HDAC9: variants seen among roughly 807,000 people sequenced by gnomAD.
HDAC9 encodes histone deacetylase 9, also known as MEF-2 interacting transcription repressor (MITR) protein.
Under a neutral mutation model 139.4 loss-of-function variants are expected in HDAC9, and 41 were observed. The ratio of observed to expected loss-of-function variants is 0.29; its 90% CI spans 0.23 to 0.38. The LOEUF is 0.38. Ranked by LOEUF, HDAC9 falls within the 10% of genes least tolerant of loss-of-function variation. The pLI is 1.00. For synonymous variants in HDAC9, 517 were observed against 476.2 expected (o/e 1.09, Z -1.12); for missense variants, 1,147 against 1,297.0 (o/e 0.88, Z 1.78).
chr7:18,717,812 C>T (rs1227746538), intron 12 of HDAC9, among the ~76,000 whole-genome samples: 1 of 151,942 alleles, frequency 6.6e-6, no homozygotes, highest in Non-Finnish European at 1.5e-5. Flanking sequence ...TATAATGTAT[C>T]ACTACATAAA....
chr7:18,723,726 A>T (rs1785312297), intron 12 of HDAC9, among the ~76,000 whole-genome samples: 2 of 152,070 alleles, frequency 1.3e-5, no homozygotes. Context: ...AAAAAAAAAG[A>T]AAGGTAGCGG....
intron 12 of HDAC9, among the ~76,000 whole-genome samples, chr7:18,699,944 AT>A (rs1348108940): frequency 6.6e-6 from 1 of 151,840 alleles, no homozygotes; most frequent in African/African-American, 2.4e-5. Context: ...TTGTAAAATG[AT>A]TTTTTTTCTA....
chr7:18,225,661 A>G (rs965598671), intron 2 of HDAC9, among the ~76,000 whole-genome samples: 1 of 152,270 alleles, frequency 6.6e-6, no homozygotes, highest in Non-Finnish European at 1.5e-5. Context: ...TAGTTTATGC[A>G]GGCATCTTTC....
intron 2 of HDAC9, among the ~76,000 whole-genome samples, chr7:18,194,467 C>T (rs1790592654): frequency 6.6e-6 from 1 of 152,036 alleles, no homozygotes; most frequent in Non-Finnish European, 1.5e-5. Flanking sequence ...CATTTGCCAC[C>T]CTCACCGTTG....
At chr7:18,918,926 A>T (rs899976748) in intron 22 of HDAC9, among the ~76,000 whole-genome samples, 1 of 152,044 alleles carries the variant, frequency 6.6e-6, no homozygotes. Context: ...GGTTGGTTCA[A>T]TAGAGCCCAA....
intron 2 of HDAC9, among the ~76,000 whole-genome samples, chr7:18,561,708 G>A (rs1481016567): frequency 6.6e-6 from 1 of 152,068 alleles, no homozygotes; most frequent in Admixed American, 6.6e-5. Context: ...ATATGTGGTC[G>A]CTTCTGACTG....
chr7:18,617,594 A>AG (rs1403763216), intron 6 of HDAC9, among the ~76,000 whole-genome samples: 1 of 152,142 alleles, frequency 6.6e-6, no homozygotes, highest in Non-Finnish European at 1.5e-5. Context: ...CACCCCAGAT[A>AG]GTCACTTCAT....
At chr7:18,993,386 C>CTGA (rs1183768884) in intron 25 of HDAC9, among the ~76,000 whole-genome samples, 3 of 152,204 alleles carry the variant, frequency 2.0e-5, no homozygotes, top group African/African-American at 7.2e-5. Flanking sequence ...CACTGACTGA[C>CTGA]TGATTCAAAG....
At chr7:18,931,688 A>T (rs1804755485) in intron 22 of HDAC9, among the ~76,000 whole-genome samples, 1 of 152,128 alleles carries the variant, frequency 6.6e-6, no homozygotes, top group Non-Finnish European at 1.5e-5. Flanking sequence ...TATTGTTCAA[A>T]ATAGAAGCAA....
At chr7:18,171,236 ACT>A (rs1467446311) in intron 2 of HDAC9, among the ~76,000 whole-genome samples, 44 of 151,554 alleles carry the variant, frequency 2.9e-4, no homozygotes, top group African/African-American at 1.0e-3. Context: ...TCATGACTTG[ACT>A]CTCTGTTTGT....
chr7:18,810,662 C>T (rs879265352), intron 17 of HDAC9, among the ~76,000 whole-genome samples: 12 of 151,842 alleles, frequency 7.9e-5, no homozygotes, highest in Non-Finnish European at 1.6e-4. Context: ...CAGAAAGTTC[C>T]TTCATGTCCC....
At chr7:18,339,122 A>G (rs1417609249) in intron 1 of HDAC9, among the ~76,000 whole-genome samples, 1 of 151,458 alleles carries the variant, frequency 6.6e-6, no homozygotes, top group Non-Finnish European at 1.5e-5. Context: ...TTCCATTCCT[A>G]ATATTGGTAA....
intron 6 of HDAC9, among the ~76,000 whole-genome samples, chr7:18,616,876 G>C (rs568613242): frequency 1.3e-5 from 2 of 152,218 alleles, no homozygotes; most frequent in African/African-American, 4.8e-5. Flanking sequence ...TAGACTTAGA[G>C]GTTACACCTA....
chr7:18,704,117 C>A (rs1293418592), intron 12 of HDAC9, among the ~76,000 whole-genome samples: 1 of 152,180 alleles, frequency 6.6e-6, no homozygotes, highest in Non-Finnish European at 1.5e-5. Flanking sequence ...CTTGAGGGCC[C>A]ACAAATGTTC....
intron 13 of HDAC9, 88 bp from the exon 14 acceptor site, chr7:18,748,917 T>C: frequency 8.1e-7 from 1 of 1,234,668 alleles, no homozygotes; most frequent in South Asian, 1.5e-5. Flanking sequence ...GAATAATGAC[T>C]TTTTTGGAGT....
At chr7:18,434,952 A>G (rs1791035808) in intron 1 of HDAC9, among the ~76,000 whole-genome samples, 1 of 151,902 alleles carries the variant, frequency 6.6e-6, no homozygotes, top group Non-Finnish European at 1.5e-5. Context: ...TATGTTTGTC[A>G]CAGAACTATT....
At chr7:18,384,336 C>T (rs376599894) in intron 1 of HDAC9, among the ~76,000 whole-genome samples, 1 of 151,936 alleles carries the variant, frequency 6.6e-6, no homozygotes, top group African/African-American at 2.4e-5. Context: ...ACACTCAAAA[C>T]ATATACATAT....
chr7:18,915,231 C>A (rs1005161571), intron 22 of HDAC9, among the ~76,000 whole-genome samples: 1 of 151,964 alleles, frequency 6.6e-6, no homozygotes, highest in African/African-American at 2.4e-5. Context: ...GCATGAAAAC[C>A]AAGTAGACAT....
rs1295467490 is a variant in HDAC9, at chr7:18,805,543, A to G, written c.2322+12091A>G. Among the ~76,000 whole-genome samples the G allele has an allele frequency of 3.3e-5, 5 of 152,190 alleles. No individual in the cohort carries two copies. In the East Asian group the frequency reaches 9.6e-4, roughly 29 times the overall value. ...CTGCGGGCCAGTGGACACTGCGCAGAAGCCAATTTTAATCATGAAAGGATT... is the reference window on the plus strand; with the variant it reads ...CTGCGGGCCAGTGGACACTGCGCAGGAGCCAATTTTAATCATGAAAGGATT... On this transcript the variant is annotated intron_variant, in intron 17 of 25. Coordinates refer to ENST00000686413, the MANE Select transcript of HDAC9 (RefSeq NM_178425.4).
Sources: allele counts gnomAD v4.1 joint callset (sites outside exome capture counted in the v4.1 genomes callset), GRCh38; gene constraint gnomAD v4.1.1; transcripts MANE v1.5; gene names NCBI Gene and HGNC (gene_info 2026-07-23, HGNC 2026-07-21).